The following ASMT variants were observed in gnomAD, a reference collection of about 807,000 sequenced individuals.
The protein encoded by ASMT is acetylserotonin O-methyltransferase.
Under a neutral mutation model 41.3 loss-of-function variants are expected in ASMT, and 53 were observed. The observed-to-expected ratio is 1.28, with a 90% CI of 1.03 to 1.61. The LOEUF is 1.61. Among genes scored for constraint, ASMT ranks in the 40% most tolerant of loss-of-function variants. The pLI, the probability that ASMT is intolerant of heterozygous loss-of-function variation, is 0.00. For missense variants in ASMT, 531 were observed against 441.3 expected (o/e 1.20, Z -1.82); for synonymous variants, 231 against 184.8 (o/e 1.25, Z -2.03).
In ASMT at chrX:1,624,283, A is replaced by G. The variant is rs1934443037; in HGVS notation, c.259A>G (p.Thr87Ala). 1 of 1,613,966 alleles carries G rather than the reference A, an allele frequency of 6.2e-7. No homozygotes were observed. Among genetic ancestry groups the G allele is most frequent in the African/African-American group, 1.3e-5 (1 of 75,056 alleles). Residue 87 changes from threonine to alanine, a missense_variant, in exon 3 of 9, where the codon ACA (threonine) becomes GCA (alanine). By Grantham distance (58) the Thr-to-Ala change is moderately conservative. Coordinates refer to ENST00000381241, the MANE Select transcript of ASMT (RefSeq NM_001171038.2). The stretch of plus-strand genomic sequence containing the variant: ...GTGTGTTTCAGCTTTCTATCGAAAC[A>G]CAGAGCTGTCCAGCGACTACCTGAC... Reference protein sequence around the residue: ...TRGGKAFYRNTELSSDYLTTV... With the variant: ...TRGGKAFYRNAELSSDYLTTV...
chrX:1,615,388 C>T, intron 1 of ASMT, 120 bp downstream of exon 1: 5 of 1,036,760 alleles, frequency 4.8e-6, no homozygotes, highest in Non-Finnish European at 7.4e-6. Flanking sequence ...TTATTTTCCA[C>T]CGTGAAAGAC....
rs1247292214 is a variant in ASMT, at chrX:1,627,897, T to C, written c.443+126T>C. The C allele has an allele frequency of 1.3e-5, 12 of 916,588 alleles. No homozygotes were observed. In the African/African-American group the frequency reaches 2.0e-4, roughly 15 times the overall value. The allele number at this position is 916,588 out of a possible 1,614,324, so 56.8% of individuals were successfully genotyped here. A position where few individuals can be genotyped will look rare whatever the true frequency, so the allele number is the denominator to read the frequency against. On this transcript the variant is annotated intron_variant, in intron 4 of 8. Coordinates refer to ENST00000381241, the MANE Select transcript of ASMT (RefSeq NM_001171038.2). ...GAGGAAGCTGCCATTTAATTTAAAA[T>C]AACATCCCCTATCCCCACTACTACC...
At chrX:1,615,351 T>C (rs1403399160) in intron 1 of ASMT, 83 bp downstream of exon 1, 9 of 1,289,630 alleles carry the variant, frequency 7.0e-6, no homozygotes, top group Non-Finnish European at 8.8e-6. Context: ...TCGAGAAAAA[T>C]GATGAGTCTC....
intron 1 of ASMT, among the ~76,000 whole-genome samples, chrX:1,616,703 T>G (rs1934128415): frequency 1.3e-5 from 2 of 151,064 alleles, no homozygotes; most frequent in African/African-American, 2.4e-5. Flanking sequence ...GACCCCCCAT[T>G]TCTACAAATT....
At chrX:1,618,566 C>T (rs1934221766) in intron 1 of ASMT, among the ~76,000 whole-genome samples, 1 of 150,818 alleles carries the variant, frequency 6.6e-6, no homozygotes, top group Non-Finnish European at 1.5e-5. Flanking sequence ...TCCCAAAGTG[C>T]TAGGATGACG....
chrX:1,629,720 G>A, intron 4 of ASMT, 101 bp from the exon 5 acceptor site: 1 of 1,064,654 alleles, frequency 9.4e-7, no homozygotes, highest in Non-Finnish European at 1.5e-6. Context: ...AGGTGCACCT[G>A]TGGGGTATAG....
intron 3 of ASMT, among the ~76,000 whole-genome samples, chrX:1,626,049 G>T (rs1162992834): frequency 6.6e-6 from 1 of 151,620 alleles, no homozygotes; most frequent in Non-Finnish European, 1.5e-5. Flanking sequence ...CAGGTAGCAG[G>T]CTTCAGAAAG....
chrX:1,630,494 AC>A, intron 5 of ASMT, among the ~76,000 whole-genome samples: 1 of 151,850 alleles, frequency 6.6e-6, no homozygotes, highest in African/African-American at 2.4e-5. Context: ...TTTAATAGAG[AC>A]GGGGTTTTGC....
chrX:1,616,632 G>C (rs1472369406), intron 1 of ASMT, among the ~76,000 whole-genome samples: 4 of 151,432 alleles, frequency 2.6e-5, no homozygotes, highest in African/African-American at 4.8e-5. Flanking sequence ...CGGTTTGGGG[G>C]TCCGAAACGA....
Position 1,615,129 on chromosome X carries a change from C to G in ASMT, c.-71C>G. 4 of 1,438,510 alleles carry G rather than the reference C, an allele frequency of 2.8e-6. No homozygotes were observed. Among genetic ancestry groups the G allele is most frequent in the South Asian group, 1.2e-5 (1 of 81,906 alleles). 89.1% of individuals were successfully genotyped at this position (1,438,510 alleles called of 1,614,324 possible). On this transcript the variant is annotated 5_prime_UTR_variant, in exon 1 of 9. Transcript: ENST00000381241. The stretch of plus-strand genomic sequence containing the variant: ...GAGCGGGTGGCTCTTCCCCACCTTG[C>G]CAGCAGGCTCTGTGCTCCTTGAAGC...
intron 4 of ASMT, among the ~76,000 whole-genome samples, chrX:1,629,531 C>G (rs1356642797): frequency 6.6e-6 from 1 of 152,200 alleles, no homozygotes; most frequent in Non-Finnish European, 1.5e-5. Context: ...GTATTATTGA[C>G]TTTCCTCTTA....
intron 7 of ASMT, among the ~76,000 whole-genome samples, chrX:1,635,730 C>T (rs1163499027): frequency 4.0e-5 from 6 of 151,230 alleles, no homozygotes; most frequent in Non-Finnish European, 8.8e-5. Flanking sequence ...GGCGTGGTGG[C>T]GGGTGCCTGT....
intron 1 of ASMT, among the ~76,000 whole-genome samples, chrX:1,619,590 A>AAT (rs1934266743): frequency 7.8e-6 from 1 of 128,614 alleles, no homozygotes; most frequent in Non-Finnish European, 1.6e-5. Flanking sequence ...ATAATAATAA[A>AAT]AAGTCTTTGG....
intron 7 of ASMT, among the ~76,000 whole-genome samples, chrX:1,635,133 C>G (rs1489476503): frequency 1.4e-5 from 2 of 138,002 alleles, no homozygotes; most frequent in East Asian, 2.4e-4. Context: ...CACCACCACG[C>G]CCAGCTAATT....
intron 5 of ASMT, among the ~76,000 whole-genome samples, chrX:1,630,300 A>ATTTTTTTTTTTTTTTT (rs36011956): frequency 1.4e-5 from 1 of 71,098 alleles, no homozygotes. Flanking sequence ...CACCAGGCTA[A>ATTTTTTTTTTTTTTTT]TTTTTTTTTT....
chrX:1,621,990 C>T (rs1198087053), intron 1 of ASMT, among the ~76,000 whole-genome samples: 3 of 149,530 alleles, frequency 2.0e-5, no homozygotes, highest in Non-Finnish European at 3.0e-5. Flanking sequence ...CCACCGCACC[C>T]GGCCTATTTA....
Position 1,623,204 on chromosome X carries a change from CGT to C in ASMT, c.137_138del (p.Val46GlyfsTer94), listed in dbSNP as rs1569372304. 1 of 1,613,460 alleles carries C rather than the reference CGT, an allele frequency of 6.2e-7. No homozygotes were observed. Among genetic ancestry groups the C allele is most frequent in the East Asian group, 2.2e-5 (1 of 44,862 alleles). On this transcript the variant is annotated frameshift_variant, in exon 2 of 9. Transcript: ENST00000381241. LOFTEE classifies it high-confidence loss of function. ...LLAEAPGPLDVAAVAAGVRAS... is the reference protein window; with the variant it reads ...LLAEAPGPLDXAAVAAGVRAS... ...TCGCCGAGGCCCCAGGGCCCCTGGA[CGT>C]GGCGGCAGTGGCTGCAGGTGTGAGG...
At chrX:1,633,329 C>A (rs200116192) in intron 7 of ASMT, 39 bp downstream of exon 7, 1 of 1,613,398 alleles carries the variant, frequency 6.2e-7, no homozygotes, top group Non-Finnish European at 8.5e-7. Flanking sequence ...ATGTGTCTCA[C>A]GGCTTCTCCA....
At chrX:1,622,710 G>A (rs1169469408) in intron 1 of ASMT, among the ~76,000 whole-genome samples, 4 of 150,262 alleles carry the variant, frequency 2.7e-5, no homozygotes, top group Non-Finnish European at 4.4e-5. Context: ...TCAGAAGTTC[G>A]AGACCAGCCT....
Sources: gnomAD v4.1 joint callset for allele counts (sites outside exome capture counted in the v4.1 genomes callset) on GRCh38, gnomAD v4.1.1 for gene constraint, MANE v1.5 for transcripts, NCBI Gene and HGNC (gene_info 2026-07-23, HGNC 2026-07-21) for gene names.